The following LIMCH1 variants were observed in gnomAD, a reference collection of about 807,000 sequenced individuals.
The protein encoded by LIMCH1 is LIM and calponin homology domains-containing protein 1.
Under a neutral mutation model 176.5 loss-of-function variants are expected in LIMCH1, and 113 were observed. That is an observed-to-expected ratio of 0.64 (90% CI 0.55 to 0.75). LIMCH1 has a LOEUF of 0.75. LIMCH1 is among the 30% of genes least tolerant of loss of function. LIMCH1 has a pLI of 0.00. For missense variants in LIMCH1, 1,674 were observed against 1,814.9 expected, an observed-to-expected ratio of 0.92 and a Z score of 1.41; for synonymous variants, 619 against 645.9, an observed-to-expected ratio of 0.96 and a Z score of 0.63.
chr4:41,689,747 C>CA (rs1454971115), intron 30 of LIMCH1, 112 bp downstream of exon 30: 2 of 686,846 alleles, frequency 2.9e-6, no homozygotes, highest in Non-Finnish European at 2.7e-6. Flanking sequence ...TGTGAGGTCT[C>CA]ACTGTCTAGG....
At chr4:41,577,848 A>G (rs191694342) in intron 1 of LIMCH1, among the ~76,000 whole-genome samples, 62 of 152,346 alleles carry the variant, frequency 4.1e-4, no homozygotes, top group Non-Finnish European at 7.5e-4. Flanking sequence ...AGTATATACC[A>G]TAATAATTTC....
In LIMCH1 at chr4:41,670,848, G is replaced by A. The variant is rs544571878; in HGVS notation, c.3398-706G>A. On this transcript the variant is annotated intron_variant, in intron 21 of 31. Transcript: ENST00000503057. ...TTTGTGCGAAAATCCATGTTGGGGCGATCAATGATGTGTGGCACTTGTCTT... is the reference window on the plus strand; with the variant it reads ...TTTGTGCGAAAATCCATGTTGGGGCAATCAATGATGTGTGGCACTTGTCTT... The A allele has an allele frequency of 4.4e-5, 67 of 1,529,144 alleles. No homozygotes were observed. In the Admixed American group the frequency reaches 5.0e-4, roughly 11 times the overall value. The allele number at this position is 1,529,144 out of a possible 1,614,324, so 94.7% of individuals were successfully genotyped here.
chr4:41,549,024 G>T (rs902089805), intron 1 of LIMCH1, among the ~76,000 whole-genome samples: 1 of 151,630 alleles, frequency 6.6e-6, no homozygotes, highest in Non-Finnish European at 1.5e-5. Flanking sequence ...AAAACTCATG[G>T]TTTCTATTCT....
At chr4:41,531,839 G>C (rs2077355949) in intron 3 of LIMCH1, among the ~76,000 whole-genome samples, 1 of 152,090 alleles carries the variant, frequency 6.6e-6, no homozygotes, top group Admixed American at 6.6e-5. Flanking sequence ...TGCATGGTAC[G>C]ATCCGGAGTC....
chr4:41,373,714 G>T (rs546246727), intron 1 of LIMCH1, among the ~76,000 whole-genome samples: 2 of 152,294 alleles, frequency 1.3e-5, no homozygotes, highest in African/African-American at 4.8e-5. Flanking sequence ...ATGCAGTCTG[G>T]CTGCTTTACC....
chr4:41,553,211 A>C (rs1013676102), intron 1 of LIMCH1, among the ~76,000 whole-genome samples: 4 of 152,182 alleles, frequency 2.6e-5, no homozygotes, highest in Admixed American at 6.5e-5. Flanking sequence ...GCCACTGTGC[A>C]TTCGGGGTTA....
chr4:41,543,262 A>G (rs2078914661), intron 1 of LIMCH1, among the ~76,000 whole-genome samples: 1 of 152,016 alleles, frequency 6.6e-6, no homozygotes. Flanking sequence ...AAATGTACAT[A>G]TATATTTTAT....
chr4:41,588,031 C>T (rs1392945185), intron 1 of LIMCH1, among the ~76,000 whole-genome samples: 5 of 152,018 alleles, frequency 3.3e-5, no homozygotes, highest in African/African-American at 9.7e-5. Flanking sequence ...GTGTGCTGCG[C>T]CCATTAACTC....
At chr4:41,644,732 C>T (rs2093989331) in intron 15 of LIMCH1, 106 bp downstream of exon 15, 2 of 1,381,164 alleles carry the variant, frequency 1.4e-6, no homozygotes, top group Non-Finnish European at 9.7e-7. Flanking sequence ...AAAGGGAGCC[C>T]CTAGAGGGTT....
chr4:41,660,894 A>T (rs1007881954), intron 18 of LIMCH1, among the ~76,000 whole-genome samples: 6 of 152,176 alleles, frequency 3.9e-5, no homozygotes, highest in Non-Finnish European at 7.3e-5. Context: ...AGTAGTCTGA[A>T]AGTGGGGAGG....
intron 1 of LIMCH1, chr4:41,494,481 ACTT>A: frequency 8.2e-7 from 1 of 1,224,704 alleles, no homozygotes; most frequent in Non-Finnish European, 1.2e-6. Context: ...ATATGATTGG[ACTT>A]CTTGATTAAA....
At chr4:41,563,131 C>T (rs2082273001) in intron 1 of LIMCH1, among the ~76,000 whole-genome samples, 1 of 152,114 alleles carries the variant, frequency 6.6e-6, no homozygotes, top group South Asian at 2.1e-4. Context: ...TAAACCGTGG[C>T]CTATATAGAC....
At chr4:41,666,975 C>T (rs773656940) in intron 21 of LIMCH1, among the ~76,000 whole-genome samples, 14 of 152,088 alleles carry the variant, frequency 9.2e-5, no homozygotes, top group South Asian at 8.3e-4. Flanking sequence ...GGTGTGGTGG[C>T]ATGCGCCTTT....
intron 1 of LIMCH1, among the ~76,000 whole-genome samples, chr4:41,555,683 G>A (rs1191401603): frequency 6.6e-6 from 1 of 152,040 alleles, no homozygotes; most frequent in East Asian, 1.9e-4. Context: ...TTCTTATATG[G>A]TTAGAAAGCA....
intron 1 of LIMCH1, among the ~76,000 whole-genome samples, chr4:41,482,225 T>TCTGGAC (rs1239900239): frequency 6.6e-6 from 1 of 152,182 alleles, no homozygotes; most frequent in Non-Finnish European, 1.5e-5. Flanking sequence ...GATACTTGAT[T>TCTGGAC]CTGGACCAGA....
intron 2 of LIMCH1, among the ~76,000 whole-genome samples, chr4:41,516,304 G>C (rs1216528925): frequency 3.3e-5 from 5 of 152,214 alleles, no homozygotes; most frequent in Non-Finnish European, 2.9e-5. Context: ...GCAGTGGTCA[G>C]TTGGAGTGCA....
intron 1 of LIMCH1, among the ~76,000 whole-genome samples, chr4:41,493,691 A>T (rs557032838): frequency 2.0e-5 from 3 of 152,254 alleles, no homozygotes; most frequent in South Asian, 4.2e-4. Flanking sequence ...ATATTGAGGG[A>T]TGCCTGTATA....
At chr4:41,490,087 G>A (rs535589938) in intron 1 of LIMCH1, among the ~76,000 whole-genome samples, 130 of 152,174 alleles carry the variant, frequency 8.5e-4, no homozygotes, top group Admixed American at 4.3e-3. Flanking sequence ...AGGAGGAGGG[G>A]TTGGTCTCGC....
intron 1 of LIMCH1, among the ~76,000 whole-genome samples, chr4:41,457,991 G>A (rs4540082): frequency 0.21 from 31,656 of 151,988 alleles, 3,838 homozygotes; most frequent in South Asian, 0.38. Context: ...AAAATAGGAG[G>A]CAATTAATAA....
Sources: allele counts gnomAD v4.1 joint callset (sites outside exome capture counted in the v4.1 genomes callset), GRCh38; gene constraint gnomAD v4.1.1; transcripts MANE v1.5; gene names NCBI Gene and HGNC (gene_info 2026-07-23, HGNC 2026-07-21).